SLX4: variants seen among roughly 807,000 people sequenced by gnomAD.
SLX4 encodes the protein structure-specific endonuclease subunit SLX4.
A neutral mutation model predicts 146.2 loss-of-function variants in SLX4; 112 were observed. The ratio of observed to expected loss-of-function variants is 0.77; its 90% confidence interval spans 0.66 to 0.90. SLX4 has a LOEUF of 0.90. Among genes scored for constraint, SLX4 ranks in the 40% least tolerant of loss-of-function variants. The pLI is 0.00. For synonymous variants in SLX4, 1,061 were observed against 997.7 expected (o/e 1.06, Z -1.20); for missense variants, 2,563 against 2,392.7 (o/e 1.07, Z -1.49).
At chr16:3,592,451 C>T (rs536975195) in intron 11 of SLX4, among the ~76,000 whole-genome samples, 13 of 152,334 alleles carry the variant, frequency 8.5e-5, no homozygotes, top group East Asian at 5.8e-4. Flanking sequence ...TTAAAAACCA[C>T]GGGACTCAAT....
intron 5 of SLX4, 119 bp from the exon 6 acceptor site, chr16:3,598,118 A>G: frequency 8.8e-7 from 1 of 1,139,836 alleles, no homozygotes; most frequent in Non-Finnish European, 1.3e-6. Context: ...TGGACCTGCC[A>G]GGCAGATGCG....
chr16:3,596,462 C>A, intron 7 of SLX4, 69 bp from the exon 8 acceptor site: 1 of 1,506,734 alleles, frequency 6.6e-7, no homozygotes, highest in South Asian at 1.3e-5. Context: ...CAGAAGCCAT[C>A]ACATGTGGTA....
Position 3,582,420 on chromosome 16 carries a change from G to A in SLX4, c.5427C>T (p.Thr1809=), listed in dbSNP as rs999815509. The A allele has an allele frequency of 3.7e-5, 60 of 1,613,798 alleles. No individual in the cohort carries two copies. The highest frequency in any genetic ancestry group is 4.8e-5 in the Non-Finnish European group (57 of 1,180,040). The change falls in exon 15 of 15, where the codon ACC becomes ACT. Residue 1809 remains threonine, a synonymous_variant. Coordinates refer to ENST00000294008, the MANE Select transcript of SLX4 (RefSeq NM_032444.4). ...DFLDTHCITF[T]TAATRREKLQ... ...GCTTCTCCCTGCGGGTGGCGGCAGT[G>A]GTGAAGGTGATACAGTGGGTGTCCA... is the stretch of plus-strand genomic sequence containing the variant.
chr16:3,588,395 T>C (rs1250175421), intron 12 of SLX4, among the ~76,000 whole-genome samples: 2 of 152,238 alleles, frequency 1.3e-5, no homozygotes, highest in African/African-American at 4.8e-5. Flanking sequence ...CGCGGTAGCG[T>C]GTGGCAGTGC....
Position 3,600,888 on chromosome 16 carries a change from G to T in SLX4, c.1163+91C>A, listed in dbSNP as rs184602252. 5 of 1,389,424 alleles carry T rather than the reference G, an allele frequency of 3.6e-6. No homozygotes were observed. The Admixed American group carries it at 9.6e-5, about 27-fold the overall frequency. The allele number at this position is 1,389,424 out of a possible 1,614,324, so 86.1% of individuals were successfully genotyped here. ...TGCGATTACAGGTGTGAACTACTGC[G>T]TCCAGCCCATAAAAAGCTTTTTTAA... On this transcript the variant is annotated intron_variant, in intron 5 of 14. Transcript: ENST00000294008.
rs59311338 is a variant in SLX4 at position 3,609,259 on chromosome 16, T to A, written c.-295A>T. 5.7e-6 allele frequency: 2 copies of A among 350,992 alleles called. No individual in the cohort carries two copies. Among genetic ancestry groups the A allele is most frequent in the Non-Finnish European group, 1.1e-5 (2 of 181,806 alleles). 21.7% of individuals were successfully genotyped at this position (350,992 alleles called of 1,614,324 possible). On this transcript the variant is annotated 5_prime_UTR_variant, in exon 2 of 15. Transcript: ENST00000294008. ...TCGTTTCAACTGAAAATACAAAAAA[T>A]TGGCCAGGCGTGGTAGCAGATGCCT...
rs750654325 is a variant in SLX4, at chr16:3,582,352, TCCAC to T, written c.5491_5494del (p.Val1831SerfsTer51). 1 of 1,611,830 alleles carries T rather than the reference TCCAC, an allele frequency of 6.2e-7. No homozygotes were observed. Among genetic ancestry groups the T allele is most frequent in the Admixed American group, 1.7e-5 (1 of 60,032 alleles). ...GTCGGGATGGCCCCATCAGTTCCGC[TCCAC>T]CTTCTTCTTGCCCCGAGGCTGCCGC... is the stretch of plus-strand genomic sequence containing the variant. On this transcript the variant is annotated frameshift_variant, in exon 15 of 15. Coordinates refer to ENST00000294008, the MANE Select transcript of SLX4 (RefSeq NM_032444.4). LOFTEE classifies it high-confidence loss of function.
chr16:3,597,438 T>C lies in SLX4; in HGVS notation c.1624A>G (p.Met542Val), dbSNP rs1441356296. 2 of 1,610,192 alleles carry C rather than the reference T, an allele frequency of 1.2e-6. No individual in the cohort carries two copies. The highest frequency in any genetic ancestry group is 2.2e-5 in the East Asian group (1 of 44,796). Residue 542 changes from methionine to valine, a missense_variant, in exon 7 of 15, where the codon ATG becomes GTG. Transcript: ENST00000294008. This position sits in a 1 kb window ranked among gnomAD's most constrained non-coding sequence, Gnocchi z 4.4. ...AGCCTGGCCGTGTAGAAGTCCTCCA[T>C]GGCCCAGGCCCCAGTCAGTGCGCTG... ...EGSALTGAWA[M>V]EDFYTARLVP...
At chr16:3,609,956 A>T (rs1024790000) in intron 1 of SLX4, among the ~76,000 whole-genome samples, 3 of 152,246 alleles carry the variant, frequency 2.0e-5, no homozygotes, top group African/African-American at 7.2e-5. Flanking sequence ...TAAATACTGC[A>T]ACATAAGAGA....
chr16:3,591,454 C>T, intron 11 of SLX4, 144 bp from the exon 12 acceptor site: 1 of 1,251,158 alleles, frequency 8.0e-7, no homozygotes, highest in Non-Finnish European at 1.1e-6. Flanking sequence ...AGACGGTGTC[C>T]ACACTCCTTG....
In SLX4 at chr16:3,582,590, C is replaced by CT; in HGVS notation, c.5256dup (p.Asp1753ArgfsTer25). ...CGGATGTAGCACCTCAGCGCCTCGT[C>CT]TGTGTCCGCCGCCTGCACGGCTGCC... On this transcript the variant is annotated frameshift_variant, in exon 15 of 15. Coordinates refer to ENST00000294008, the MANE Select transcript of SLX4 (RefSeq NM_032444.4). LOFTEE classifies it low-confidence loss of function (END_TRUNC). The CT allele has an allele frequency of 3.1e-6, 5 of 1,613,692 alleles. No homozygotes were observed. The highest frequency in any genetic ancestry group is 4.2e-6 in the Non-Finnish European group (5 of 1,180,044).
chr16:3,599,632 G>A (rs1435449590), intron 5 of SLX4, among the ~76,000 whole-genome samples: 1 of 152,228 alleles, frequency 6.6e-6, no homozygotes, highest in East Asian at 1.9e-4. Flanking sequence ...TGTCGCCCAG[G>A]CTGGAGTGCA....
chr16:3,585,393 T>C (rs950817399), intron 12 of SLX4, among the ~76,000 whole-genome samples: 2 of 152,176 alleles, frequency 1.3e-5, no homozygotes, highest in East Asian at 3.9e-4. Flanking sequence ...GAGACCATCC[T>C]GGCTAACACG....
At position 3,582,945 on chromosome 16, in the gene SLX4, C is replaced by T. The variant is rs541663935; in HGVS notation, c.5153+152G>A. The T allele has an allele frequency of 3.2e-5, 33 of 1,023,250 alleles. No individual in the cohort carries two copies. In the African/African-American group the frequency reaches 4.7e-4, roughly 15 times the overall value. 63.4% of individuals were successfully genotyped at this position (1,023,250 alleles called of 1,614,324 possible). On this transcript the variant is annotated intron_variant, in intron 14 of 14. Coordinates refer to ENST00000294008, the MANE Select transcript of SLX4 (RefSeq NM_032444.4). Reference sequence around the variant, plus strand: ...GCAGGGCTGGGGTCAGGGAACCAGCCCCCTAAACCCACCTGGTTTTCCCAC... The same window carrying T: ...GCAGGGCTGGGGTCAGGGAACCAGCTCCCTAAACCCACCTGGTTTTCCCAC...
rs1415684146 is a variant in SLX4 at position 3,590,698 on chromosome 16, G to A, written c.2940C>T (p.Ala980=). 9.3e-6 allele frequency: 15 copies of A among 1,614,028 alleles called. No homozygotes were observed. Among genetic ancestry groups the A allele is most frequent in the Middle Eastern group, 1.6e-4 (1 of 6,084 alleles). Residue 980 remains alanine (A), a synonymous_variant, in exon 12 of 15, where the codon GCC becomes GCT. Transcript: ENST00000294008. The surrounding 1 kb of genome is among the most constrained non-coding windows in gnomAD (Gnocchi z 4.8). ...ATGAGAAGAGCTGTTCGTAATCCCC[G>A]GCATCATCTGAGTGCGGAAGAGAGC... ...KEGSLPHSDD[A]GDYEQLFSST... is the part of the protein sequence containing the mutation.
chr16:3,605,395 A>T (rs1247008541), intron 3 of SLX4, among the ~76,000 whole-genome samples: 1 of 151,266 alleles, frequency 6.6e-6, no homozygotes, highest in Admixed American at 6.6e-5. Context: ...GGCCCCTAAA[A>T]TTTTTTTGTA....
intron 8 of SLX4, 50 bp downstream of exon 8, chr16:3,596,103 G>A (rs1472086685): frequency 6.5e-7 from 1 of 1,532,494 alleles, no homozygotes; most frequent in Non-Finnish European, 8.8e-7. Flanking sequence ...CGCGGGGAGG[G>A]GAGGCCCGGG....
rs891738742 is a variant in SLX4, at chr16:3,605,791, C to T, written c.760+683G>A. 1.0e-3 allele frequency among the ~76,000 whole-genome samples: 151 copies of T among 150,852 alleles called. 2 individuals are homozygous for T. The highest frequency in any genetic ancestry group is 4.0e-4 in the Admixed American group (6 of 15,124). ...TGAAACCTTGTCTCTACTAAAAATA[C>T]AAAAAATTAGCCAGGCGTGGTGGTG... On this transcript the variant is annotated intron_variant, in intron 3 of 14. Coordinates refer to ENST00000294008, the MANE Select transcript of SLX4 (RefSeq NM_032444.4).
intron 3 of SLX4, among the ~76,000 whole-genome samples, chr16:3,603,759 G>C (rs192887772): frequency 1.3e-4 from 20 of 152,370 alleles, no homozygotes; most frequent in Admixed American, 3.9e-4. Context: ...GCCACACCAA[G>C]TACACAGCAG....
Sources: allele counts gnomAD v4.1 joint callset (sites outside exome capture counted in the v4.1 genomes callset), GRCh38; gene constraint gnomAD v4.1.1; non-coding constraint Gnocchi (gnomAD v3.1); transcripts MANE v1.5; gene names NCBI Gene and HGNC (gene_info 2026-07-23, HGNC 2026-07-21).